CEP83: variants seen among roughly 807,000 people sequenced by gnomAD.
CEP83 encodes the protein centrosomal protein of 83 kDa.
A neutral mutation model predicts 101.9 loss-of-function variants in CEP83; 70 were observed. That is an observed-to-expected ratio of 0.69 (90% CI 0.57 to 0.84). CEP83 has a LOEUF of 0.84. CEP83 is among the 40% of genes least tolerant of loss of function. The pLI is 0.00. For synonymous variants in CEP83, 264 were observed against 267.9 expected (o/e 0.99, Z 0.14); for missense variants, 715 against 787.2 (o/e 0.91, Z 1.10).
At chr12:94,358,441 T>C (rs940672239) in intron 11 of CEP83, among the ~76,000 whole-genome samples, 1 of 152,182 alleles carries the variant, frequency 6.6e-6, no homozygotes, top group Admixed American at 6.5e-5. Context: ...TGGCAGCCAT[T>C]GTTAAGCCTC....
At chr12:94,343,256 G>A (rs978939026) in intron 11 of CEP83, among the ~76,000 whole-genome samples, 3 of 151,788 alleles carry the variant, frequency 2.0e-5, no homozygotes, top group African/African-American at 2.4e-5. Flanking sequence ...TCCAGAATGC[G>A]AACTTAAGAA....
chr12:94,326,981 C>T (rs1343761125), intron 14 of CEP83, among the ~76,000 whole-genome samples: 3 of 152,126 alleles, frequency 2.0e-5, no homozygotes, highest in African/African-American at 7.2e-5. Flanking sequence ...CCCTAGGAAA[C>T]TAATATAGTG....
the CEP83 span, among the ~76,000 whole-genome samples, chr12:94,285,109 A>G: frequency 1.4e-5 from 2 of 139,374 alleles, no homozygotes; most frequent in East Asian, 2.0e-4. Flanking sequence ...GGGGTCAAAG[A>G]TATCAGTTGG....
intron 14 of CEP83, among the ~76,000 whole-genome samples, chr12:94,319,375 G>T (rs1325322756): frequency 1.3e-5 from 2 of 151,988 alleles, no homozygotes; most frequent in Non-Finnish European, 2.9e-5. Flanking sequence ...CTTTTGAATG[G>T]CTGTTCATGT....
At chr12:94,360,148 G>T (rs1180989819) in intron 11 of CEP83, among the ~76,000 whole-genome samples, 1 of 151,978 alleles carries the variant, frequency 6.6e-6, no homozygotes, top group African/African-American at 2.4e-5. Flanking sequence ...TACCATATAT[G>T]ACAAAACCAC....
intron 6 of CEP83, among the ~76,000 whole-genome samples, chr12:94,382,955 A>G (rs565250669): frequency 6.6e-6 from 1 of 152,118 alleles, no homozygotes; most frequent in South Asian, 2.1e-4. Flanking sequence ...TTGTTGAGAG[A>G]GGGGTATGAA....
At chr12:94,335,944 CAGGT>C (rs2059429653) in intron 11 of CEP83, 2 of 289,070 alleles carry the variant, frequency 6.9e-6, no homozygotes, top group Non-Finnish European at 1.3e-5. Flanking sequence ...AAAAACCTGA[CAGGT>C]AGGATTTTGA....
rs147216167 is a variant in CEP83 at position 94,335,074 on chromosome 12, T to C, written c.1419+515A>G. Among the ~76,000 whole-genome samples the C allele has an allele frequency of 1.3e-4, 20 of 152,040 alleles. No individual in the cohort carries two copies. In the East Asian group the frequency reaches 3.3e-3, roughly 25 times the overall value. The stretch of plus-strand genomic sequence containing the variant: ...AAAAAAACAACAACAAAAAAGAAAA[T>C]AGAATTCAGAAAAGATCACTCTTCC... On this transcript the variant is annotated intron_variant, in intron 12 of 16. Coordinates refer to ENST00000397809, the MANE Select transcript of CEP83 (RefSeq NM_016122.3).
At chr12:94,314,151 A>G (rs1970301572) in intron 14 of CEP83, among the ~76,000 whole-genome samples, 2 of 152,226 alleles carry the variant, frequency 1.3e-5, no homozygotes, top group Admixed American at 1.3e-4. Flanking sequence ...TTTGTTTTTT[A>G]ATAGAAAAAC....
At chr12:94,342,496 G>A (rs767750810) in intron 11 of CEP83, among the ~76,000 whole-genome samples, 10 of 152,086 alleles carry the variant, frequency 6.6e-5, no homozygotes, top group Non-Finnish European at 1.2e-4. Context: ...TAAGTAAAAT[G>A]AAGGAAAAAA....
At chr12:94,421,686 T>C (rs932299567) in intron 2 of CEP83, among the ~76,000 whole-genome samples, 1 of 152,232 alleles carries the variant, frequency 6.6e-6, no homozygotes, top group African/African-American at 2.4e-5. Context: ...TTCATTGTTG[T>C]GTGAACATCA....
intron 2 of CEP83, among the ~76,000 whole-genome samples, chr12:94,416,542 C>T (rs552397826): frequency 5.1e-4 from 72 of 141,752 alleles, no homozygotes; most frequent in Admixed American, 8.1e-4. Context: ...CTACTCTATC[C>T]AAATACCATA....
intron 8 of CEP83, 112 bp from the exon 9 acceptor site, chr12:94,370,148 A>C: frequency 1.6e-6 from 1 of 641,916 alleles, no homozygotes; most frequent in Non-Finnish European, 2.8e-6. Flanking sequence ...GTAGAGTCTA[A>C]GTATCTTCCA....
At position 94,329,866 on chromosome 12, in the gene CEP83, A is replaced by G. The variant is rs188089553; in HGVS notation, c.1707+1834T>C. 1.7e-3 allele frequency among the ~76,000 whole-genome samples: 254 copies of G among 152,302 alleles called. 1 individual carries two copies. The Middle Eastern group carries it at 0.02, about 12-fold the overall frequency. On this transcript the variant is annotated intron_variant, in intron 14 of 16. Transcript: ENST00000397809. ...TTGGGTATAAAACACTGGGATCCCT[A>G]TATAATAAATGCTGTTTTTCCAATA...
the CEP83 span, among the ~76,000 whole-genome samples, chr12:94,281,458 G>A: frequency 1.8e-4 from 28 of 152,282 alleles, 1 homozygote; most frequent in East Asian, 7.7e-4. Context: ...GAAAGGACTC[G>A]CCATCCAAGG....
chr12:94,443,114 C>T (rs953669765), intron 1 of CEP83, among the ~76,000 whole-genome samples: 1 of 150,088 alleles, frequency 6.7e-6, no homozygotes, highest in Non-Finnish European at 1.5e-5. Flanking sequence ...CAGCTAAACT[C>T]ACAGCCCCGT....
rs1196746270 is a variant in CEP83, at chr12:94,378,815, C to T, written c.777G>A (p.Met259Ile). ...CCTCCAGGGATCTGACTGTAGCCTG[C>T]ATCTCAGCCAACTGCCGCACCTGTA... The part of the protein sequence containing the change: ...QRIQVRQLAE[M>I]QATVRSLEAE... Residue 259 changes from methionine to isoleucine, a missense_variant, in exon 7 of 17, where the codon ATG (methionine) becomes ATA (isoleucine). By Grantham distance (10) the Met-to-Ile change is conservative. Coordinates refer to ENST00000397809, the MANE Select transcript of CEP83 (RefSeq NM_016122.3). 1 of 1,614,018 alleles carries T rather than the reference C, an allele frequency of 6.2e-7. No individual in the cohort carries two copies. Among genetic ancestry groups the T allele is most frequent in the East Asian group, 2.2e-5 (1 of 44,884 alleles).
chr12:94,412,530 T>A lies in CEP83; in HGVS notation c.-40A>T. The A allele has an allele frequency of 6.3e-7, 1 of 1,587,286 alleles. No individual in the cohort carries two copies. Among genetic ancestry groups the A allele is most frequent in the Non-Finnish European group, 8.6e-7 (1 of 1,161,356 alleles). ...TGGCTTTCTTACTGTTTTAGTTTTCTTTCCAAGGGTATTTCCCACTCCTTT... is the reference window on the plus strand; with the variant it reads ...TGGCTTTCTTACTGTTTTAGTTTTCATTCCAAGGGTATTTCCCACTCCTTT... On this transcript the variant is annotated 5_prime_UTR_variant, in exon 3 of 17. In the 5' UTR this introduces an upstream ATG that the reference lacks. Transcript: ENST00000397809.
intron 5 of CEP83, 134 bp downstream of exon 5, chr12:94,403,036 A>C (rs2137616296): frequency 4.0e-6 from 2 of 497,430 alleles, no homozygotes; most frequent in Middle Eastern, 2.8e-4. Context: ...AATCCTGTGA[A>C]GCCTTAGAGG....
Sources: gnomAD v4.1 joint callset for allele counts (sites outside exome capture counted in the v4.1 genomes callset) on GRCh38, gnomAD v4.1.1 for gene constraint, MANE v1.5 for transcripts, NCBI Gene and HGNC (gene_info 2026-07-23, HGNC 2026-07-21) for gene names.